CRPPA: variants seen among roughly 807,000 people sequenced by gnomAD.
CRPPA encodes D-ribitol-5-phosphate cytidylyltransferase.
A neutral mutation model predicts 52.0 loss-of-function variants in CRPPA; 43 were observed. The observed-to-expected ratio is 0.83, with a 90% CI of 0.65 to 1.07. The LOEUF is 1.07. Among genes scored for constraint, CRPPA ranks in the 50% least tolerant of loss-of-function variants. CRPPA has a pLI of 0.00. For missense variants in CRPPA, 629 were observed against 551.7 expected, an observed-to-expected ratio of 1.14 and a Z score of -1.40; for synonymous variants, 250 against 203.5, an observed-to-expected ratio of 1.23 and a Z score of -1.94.
intron 5 of CRPPA, among the ~76,000 whole-genome samples, chr7:16,299,928 G>A (rs73065169): frequency 0.22 from 32,837 of 151,920 alleles, 4,523 homozygotes; most frequent in Admixed American, 0.31. Flanking sequence ...CAAAAAAAAA[G>A]TCATTGCTAT....
chr7:16,097,115 T>C (rs1562501255), intron 9 of CRPPA, among the ~76,000 whole-genome samples: 2 of 152,116 alleles, frequency 1.3e-5, no homozygotes, highest in Non-Finnish European at 2.9e-5. Flanking sequence ...ATTTTCAAAA[T>C]CTATACAAAG....
chr7:16,401,662 A>C (rs956499053), intron 2 of CRPPA, among the ~76,000 whole-genome samples: 1 of 152,230 alleles, frequency 6.6e-6, no homozygotes, highest in Non-Finnish European at 1.5e-5. Flanking sequence ...TCTTAAAATT[A>C]TTCTCACTTA....
At chr7:16,356,156 T>C (rs1005029242) in intron 3 of CRPPA, among the ~76,000 whole-genome samples, 4 of 152,120 alleles carry the variant, frequency 2.6e-5, no homozygotes, top group Non-Finnish European at 5.9e-5. Flanking sequence ...AGTATCTACA[T>C]AGAAATACTT....
At chr7:16,215,576 A>C (rs1782282122) in intron 9 of CRPPA, among the ~76,000 whole-genome samples, 1 of 152,212 alleles carries the variant, frequency 6.6e-6, no homozygotes, top group South Asian at 2.1e-4. Context: ...CAAATGATTA[A>C]ATAACCTGTT....
chr7:16,267,466 G>T (rs1054076823), intron 6 of CRPPA, among the ~76,000 whole-genome samples: 2 of 152,108 alleles, frequency 1.3e-5, no homozygotes, highest in African/African-American at 4.8e-5. Context: ...GCCAGCAAAA[G>T]GTTCTATCAT....
intron 9 of CRPPA, among the ~76,000 whole-genome samples, chr7:16,138,722 TAGAG>T (rs780258074): frequency 4.6e-5 from 7 of 152,280 alleles, no homozygotes; most frequent in Non-Finnish European, 8.8e-5. Context: ...TGACCAATGG[TAGAG>T]AGTAAGAATG....
chr7:16,337,039 A>C (rs1173234567), intron 3 of CRPPA, among the ~76,000 whole-genome samples: 1 of 152,122 alleles, frequency 6.6e-6, no homozygotes, highest in Non-Finnish European at 1.5e-5. Context: ...ATAGTAGGGG[A>C]CCTCTATATC....
chr7:16,116,312 AG>A (rs1011368450), intron 9 of CRPPA, among the ~76,000 whole-genome samples: 1 of 152,182 alleles, frequency 6.6e-6, no homozygotes, highest in Non-Finnish European at 1.5e-5. Flanking sequence ...AATCTAAATG[AG>A]GGACATTATA....
chr7:16,328,641 A>T (rs1455622703), intron 3 of CRPPA, among the ~76,000 whole-genome samples: 1 of 152,048 alleles, frequency 6.6e-6, no homozygotes, highest in Non-Finnish European at 1.5e-5. Flanking sequence ...CAGCCTCCCA[A>T]GTAGCTGGGA....
intron 9 of CRPPA, among the ~76,000 whole-genome samples, chr7:16,121,318 G>A (rs1338078777): frequency 6.6e-6 from 1 of 151,994 alleles, no homozygotes; most frequent in East Asian, 1.9e-4. Flanking sequence ...TGATTTGGCA[G>A]CAGAAAATTG....
At chr7:16,341,380 G>A (rs1263200544) in intron 3 of CRPPA, among the ~76,000 whole-genome samples, 2 of 151,900 alleles carry the variant, frequency 1.3e-5, no homozygotes, top group African/African-American at 4.8e-5. Flanking sequence ...GGATCTCTCT[G>A]TACCTCCTCC....
chr7:16,114,236 G>A (rs1039564972), intron 9 of CRPPA, among the ~76,000 whole-genome samples: 27 of 151,584 alleles, frequency 1.8e-4, no homozygotes, highest in Admixed American at 6.6e-4. Flanking sequence ...AGCAAATGGA[G>A]ACTCTGAATA....
chr7:16,114,197 TA>T (rs1263588457), intron 9 of CRPPA, among the ~76,000 whole-genome samples: 2 of 150,112 alleles, frequency 1.3e-5, no homozygotes. Flanking sequence ...GAAATTGGAG[TA>T]AAAACAAAGG....
intron 6 of CRPPA, chr7:16,277,387 A>AT (rs1241321529): frequency 2.6e-5 from 4 of 151,944 alleles, no homozygotes; most frequent in African/African-American, 9.7e-5. Context: ...AAAAAAAAAA[A>AT]ATTACACAGC....
intron 6 of CRPPA, among the ~76,000 whole-genome samples, chr7:16,262,295 T>A (rs1453858524): frequency 2.0e-5 from 3 of 152,204 alleles, no homozygotes; most frequent in African/African-American, 7.2e-5. Context: ...ACCATTTTTT[T>A]AAATTGGAAT....
intron 8 of CRPPA, among the ~76,000 whole-genome samples, chr7:16,226,281 T>G (rs899006580): frequency 6.6e-6 from 1 of 151,928 alleles, no homozygotes; most frequent in African/African-American, 2.4e-5. Context: ...AGAACTGTGC[T>G]AAGAAATGTA....
chr7:16,283,712 GTC>G (rs1784366788), intron 5 of CRPPA, among the ~76,000 whole-genome samples: 1 of 151,728 alleles, frequency 6.6e-6, no homozygotes, highest in African/African-American at 2.4e-5. Flanking sequence ...GCTGCATTCA[GTC>G]GCCCATTGCA....
intron 3 of CRPPA, among the ~76,000 whole-genome samples, chr7:16,364,498 T>C (rs1455433912): frequency 6.6e-6 from 1 of 152,180 alleles, no homozygotes; most frequent in Non-Finnish European, 1.5e-5. Flanking sequence ...CAGCAGTGCG[T>C]TGCATGCTTG....
intron 9 of CRPPA, among the ~76,000 whole-genome samples, chr7:16,160,566 G>A (rs1343109106): frequency 6.6e-6 from 1 of 152,102 alleles, no homozygotes; most frequent in East Asian, 1.9e-4. Context: ...TGTTACTGTA[G>A]CCTTGTAGTA....
Sources: allele counts gnomAD v4.1 joint callset (sites outside exome capture counted in the v4.1 genomes callset), GRCh38; gene constraint gnomAD v4.1.1; transcripts MANE v1.5; gene names NCBI Gene and HGNC (gene_info 2026-07-23, HGNC 2026-07-21).